The following FGF12 variants were observed in gnomAD, a reference collection of about 807,000 sequenced individuals.
FGF12 encodes fibroblast growth factor 12, also known as fibroblast growth factor 12B.
FGF12 carries 14 observed loss-of-function variants against 23.6 expected under a neutral mutation model. The ratio of observed to expected loss-of-function variants is 0.59; its 90% CI spans 0.39 to 0.93. FGF12 has a LOEUF of 0.93. Among genes scored for constraint, FGF12 ranks in the 40% least tolerant of loss-of-function variants. FGF12 has a pLI of 0.00. For synonymous variants in FGF12, 62 were observed against 77.3 expected, an observed-to-expected ratio of 0.80 and a Z score of 1.04; for missense variants, 175 against 217.8, an observed-to-expected ratio of 0.80 and a Z score of 1.24.
intron 5 of FGF12, among the ~76,000 whole-genome samples, chr3:192,151,953 C>A (rs1400009804): frequency 8.9e-5 from 3 of 33,730 alleles, no homozygotes; most frequent in African/African-American, 3.0e-4. Flanking sequence ...GTCCTGGACT[C>A]TTTTTGGTTG....
intron 4 of FGF12, among the ~76,000 whole-genome samples, chr3:192,319,566 T>A (rs780661155): frequency 1.3e-4 from 20 of 151,984 alleles, no homozygotes; most frequent in Non-Finnish European, 2.4e-4. Context: ...CACTGCACTC[T>A]AGCCTGGGTG....
chr3:192,159,060 G>A (rs1292187850), intron 5 of FGF12, among the ~76,000 whole-genome samples: 1 of 152,052 alleles, frequency 6.6e-6, no homozygotes, highest in African/African-American at 2.4e-5. Flanking sequence ...ACCCTACCAT[G>A]TAACTGTCAT....
intron 2 of FGF12, among the ~76,000 whole-genome samples, chr3:192,510,609 G>A (rs142095133): frequency 4.3e-4 from 65 of 152,308 alleles, no homozygotes; most frequent in African/African-American, 1.5e-3. Context: ...CAATAGCTGT[G>A]CTCCTTGATA....
intron 2 of FGF12, among the ~76,000 whole-genome samples, chr3:192,507,188 G>A (rs912901068): frequency 3.3e-5 from 5 of 152,210 alleles, no homozygotes; most frequent in African/African-American, 7.2e-5. Context: ...CACTGTGCCC[G>A]GCCATGAACT....
chr3:192,387,815 AG>A (rs1282161877), intron 2 of FGF12, among the ~76,000 whole-genome samples: 2 of 152,022 alleles, frequency 1.3e-5, no homozygotes, highest in East Asian at 3.9e-4. Flanking sequence ...TGAGCCAAGG[AG>A]GTTGACGCTG....
intron 2 of FGF12, among the ~76,000 whole-genome samples, chr3:192,433,995 G>A (rs978018750): frequency 1.3e-5 from 2 of 152,150 alleles, no homozygotes; most frequent in African/African-American, 4.8e-5. Flanking sequence ...CCAAAACCAA[G>A]CTAAATGTAT....
chr3:192,319,361 C>T (rs1389912243), intron 4 of FGF12, among the ~76,000 whole-genome samples: 1 of 152,080 alleles, frequency 6.6e-6, no homozygotes, highest in East Asian at 1.9e-4. Context: ...CTTTGGGAGG[C>T]CAAGGCAGGA....
intron 2 of FGF12, among the ~76,000 whole-genome samples, chr3:192,616,705 G>GT (rs1368798223): frequency 1.3e-5 from 2 of 151,916 alleles, no homozygotes; most frequent in Non-Finnish European, 2.9e-5. Flanking sequence ...TTCCAGCTTG[G>GT]TTGCATGTGG....
In FGF12 at chr3:192,460,655, T is replaced by TTA. The variant is rs529187517; in HGVS notation, c.14-100118_14-100117insTA. Among the ~76,000 whole-genome samples the TTA allele has an allele frequency of 1.1e-4, 16 of 147,224 alleles. No homozygotes were observed. In the South Asian group the frequency reaches 3.4e-3, roughly 31 times the overall value. ...AACAACAACAGCAACAACAAATATATACATATACACACACACACACATATA... is the reference window on the plus strand; with the variant it reads ...AACAACAACAGCAACAACAAATATATTAACATATACACACACACACACATATA... On this transcript the variant is annotated intron_variant, in intron 2 of 5. Transcript: ENST00000445105.
chr3:192,185,813 C>G (rs1302189956), intron 4 of FGF12, among the ~76,000 whole-genome samples: 1 of 151,072 alleles, frequency 6.6e-6, no homozygotes, highest in Non-Finnish European at 1.5e-5. Context: ...GAGCCAAGAT[C>G]GCACCACTGC....
intron 2 of FGF12, among the ~76,000 whole-genome samples, chr3:192,398,753 G>A (rs1477669066): frequency 6.6e-6 from 1 of 152,106 alleles, no homozygotes; most frequent in Non-Finnish European, 1.5e-5. Flanking sequence ...AGAGTAGAAA[G>A]AAAAGTAGAT....
chr3:192,635,919 C>T (rs939083557), intron 2 of FGF12, among the ~76,000 whole-genome samples: 1 of 152,158 alleles, frequency 6.6e-6, no homozygotes, highest in Admixed American at 6.5e-5. Context: ...TTGATGATGT[C>T]TGTATCAAAG....
At chr3:192,353,214 C>T (rs1314112571) in intron 3 of FGF12, among the ~76,000 whole-genome samples, 1 of 152,118 alleles carries the variant, frequency 6.6e-6, no homozygotes, top group African/African-American at 2.4e-5. Flanking sequence ...TCTAGGAATA[C>T]ACTTGGTTAA....
chr3:192,276,331 T>C (rs1713783331), intron 4 of FGF12, among the ~76,000 whole-genome samples: 1 of 152,068 alleles, frequency 6.6e-6, no homozygotes. Flanking sequence ...GTCTAGAAAT[T>C]TAGTGCTGAG....
intron 2 of FGF12, among the ~76,000 whole-genome samples, chr3:192,363,412 T>A (rs554799997): frequency 6.6e-6 from 1 of 152,204 alleles, no homozygotes; most frequent in African/African-American, 2.4e-5. Context: ...GGAATTCGGG[T>A]TGGTAACTCC....
chr3:192,204,829 T>C (rs1717561318), intron 4 of FGF12, among the ~76,000 whole-genome samples: 2 of 151,882 alleles, frequency 1.3e-5, no homozygotes, highest in African/African-American at 2.4e-5. Context: ...GATGTTGTGG[T>C]GAGCCAAGAT....
At chr3:192,219,050 G>A (rs943250904) in intron 4 of FGF12, among the ~76,000 whole-genome samples, 1 of 152,000 alleles carries the variant, frequency 6.6e-6, no homozygotes, top group African/African-American at 2.4e-5. Flanking sequence ...ATAAAAATTA[G>A]AAACATTTAC....
chr3:192,300,285 T>C (rs918528331), intron 4 of FGF12, among the ~76,000 whole-genome samples: 1 of 152,174 alleles, frequency 6.6e-6, no homozygotes, highest in African/African-American at 2.4e-5. Flanking sequence ...TATCAGTAAA[T>C]GATGGTGCAA....
chr3:192,183,490 G>A (rs1262844985), intron 4 of FGF12, among the ~76,000 whole-genome samples: 3 of 152,192 alleles, frequency 2.0e-5, no homozygotes, highest in Non-Finnish European at 2.9e-5. Context: ...GAATGAGAAT[G>A]CAAAGTAAAC....
Sources: gnomAD v4.1 joint callset for allele counts (sites outside exome capture counted in the v4.1 genomes callset) on GRCh38, gnomAD v4.1.1 for gene constraint, MANE v1.5 for transcripts, NCBI Gene and HGNC (gene_info 2026-07-23, HGNC 2026-07-21) for gene names.